The following PIBF1 variants were observed in gnomAD, a reference collection of about 807,000 sequenced individuals.
PIBF1 encodes progesterone immunomodulatory binding factor 1, also known as progesterone-induced-blocking factor 1.
In PIBF1, 90 loss-of-function variants were observed where a neutral mutation model predicts 112.5. The observed-to-expected ratio is 0.80, with a 90% CI of 0.67 to 0.95. The LOEUF is 0.95. PIBF1 is among the 40% of genes least tolerant of loss of function. PIBF1 has a pLI of 0.00. For synonymous variants in PIBF1, 301 were observed against 288.6 expected, an observed-to-expected ratio of 1.04 and a Z score of -0.44; for missense variants, 915 against 852.3, an observed-to-expected ratio of 1.07 and a Z score of -0.92.
At chr13:72,911,546 C>T (rs907655934) in intron 12 of PIBF1, among the ~76,000 whole-genome samples, 11 of 151,756 alleles carry the variant, frequency 7.2e-5, no homozygotes, top group African/African-American at 9.7e-5. Context: ...ATCTTTACAA[C>T]GTGGAGTACA....
chr13:72,913,334 A>G (rs117823196), intron 12 of PIBF1, among the ~76,000 whole-genome samples: 4,366 of 152,306 alleles, frequency 0.029, 107 homozygotes, highest in Non-Finnish European at 0.043. Context: ...CTGTAAATAC[A>G]TATTGAATTA....
intron 5 of PIBF1, among the ~76,000 whole-genome samples, chr13:72,814,168 T>G (rs1399284680): frequency 6.6e-6 from 1 of 152,212 alleles, no homozygotes; most frequent in African/African-American, 2.4e-5. Context: ...CCGGGTGCAG[T>G]GGCTCACGCC....
intron 10 of PIBF1, among the ~76,000 whole-genome samples, chr13:72,875,510 A>G (rs1296600940): frequency 6.6e-6 from 1 of 152,092 alleles, no homozygotes; most frequent in Non-Finnish European, 1.5e-5. Flanking sequence ...AGAAGAAACC[A>G]CCAAACTGTT....
chr13:72,967,988 A>G (rs903199726), intron 15 of PIBF1, among the ~76,000 whole-genome samples: 1 of 152,000 alleles, frequency 6.6e-6, no homozygotes, highest in East Asian at 2.0e-4. Flanking sequence ...GATCGAGACC[A>G]TCCTGGCTAA....
intron 9 of PIBF1, among the ~76,000 whole-genome samples, chr13:72,845,841 G>A (rs545843348): frequency 6.6e-6 from 1 of 151,860 alleles, no homozygotes; most frequent in African/African-American, 2.4e-5. Context: ...CAAGCCTTTG[G>A]CACCCCCATA....
intron 9 of PIBF1, among the ~76,000 whole-genome samples, chr13:72,844,791 A>ACACACACACACACACACG (rs1566348767): frequency 3.1e-5 from 4 of 131,128 alleles, no homozygotes; most frequent in African/African-American, 8.7e-5. Context: ...ACACACACAC[A>ACACACACACACACACACG]CACACACACG....
chr13:72,826,241 T>A (rs2138150956), intron 6 of PIBF1, among the ~76,000 whole-genome samples: 1 of 152,264 alleles, frequency 6.6e-6, no homozygotes, highest in African/African-American at 2.4e-5. Flanking sequence ...GATTGTTATT[T>A]TGTGCTTTGC....
intron 16 of PIBF1, among the ~76,000 whole-genome samples, chr13:72,987,674 T>A (rs1330133080): frequency 6.9e-6 from 1 of 145,472 alleles, no homozygotes; most frequent in Non-Finnish European, 1.5e-5. Flanking sequence ...TTTTTTTATT[T>A]TCCTTTGTTG....
chr13:72,852,346 G>A (rs576706787), intron 9 of PIBF1, among the ~76,000 whole-genome samples: 7 of 152,278 alleles, frequency 4.6e-5, no homozygotes, highest in African/African-American at 7.2e-5. Context: ...CTGTCCAGTC[G>A]CAGCCTCACA....
intron 5 of PIBF1, among the ~76,000 whole-genome samples, chr13:72,805,188 G>A (rs1388193739): frequency 6.6e-6 from 1 of 152,154 alleles, no homozygotes; most frequent in African/African-American, 2.4e-5. Context: ...TGTCGCCCAG[G>A]CTGGCATGCA....
At chr13:72,901,778 G>T (rs890215321) in intron 11 of PIBF1, among the ~76,000 whole-genome samples, 3 of 151,928 alleles carry the variant, frequency 2.0e-5, no homozygotes, top group African/African-American at 7.3e-5. Flanking sequence ...ATCTAGTACA[G>T]CTGCTATGGA....
rs71099771 is a variant in PIBF1, at chr13:72,949,300, C to CTTTTTTTTT, written c.1834-15949_1834-15941dup. Among the ~76,000 whole-genome samples the CTTTTTTTTT allele has an allele frequency of 2.0e-3, 111 of 54,982 alleles. 19 individuals carry two copies. The highest frequency in any genetic ancestry group is 2.6e-3 in the Non-Finnish European group (82 of 31,600). 36.1% of individuals were successfully genotyped at this position (54,982 alleles called of 152,430 possible). On this transcript the variant is annotated intron_variant, in intron 14 of 17. Transcript: ENST00000326291. ...AACTACTACCTAGACAAATAGCTGT[C>CTTTTTTTTT]TTTTTTTTTTTTTTTTTTTTTTTTT...
In PIBF1 at chr13:72,836,009, G is replaced by A. The variant is rs2037343174; in HGVS notation, c.1223+641G>A. 1.3e-5 allele frequency: 5 copies of A among 370,914 alleles called. No individual in the cohort carries two copies. The Admixed American group carries it at 1.6e-4, about 12-fold the overall frequency. The allele number at this position is 370,914 out of a possible 1,614,324, so 23.0% of individuals were successfully genotyped here. Reference sequence around the variant, plus strand: ...AGCTACTCGGGAGGCTGAGGCAGGAGAATGGCATGAACCGGGGACACAGAG... The same window carrying A: ...AGCTACTCGGGAGGCTGAGGCAGGAAAATGGCATGAACCGGGGACACAGAG... On this transcript the variant is annotated intron_variant, in intron 9 of 17. Transcript: ENST00000326291.
At chr13:72,783,823 AT>A in intron 2 of PIBF1, 102 bp downstream of exon 2, 2 of 1,094,568 alleles carry the variant, frequency 1.8e-6, no homozygotes, top group South Asian at 3.0e-5. Context: ...GAAATGATAC[AT>A]TTATATTTCT....
chr13:72,856,071 T>C (rs1043994242), intron 10 of PIBF1, among the ~76,000 whole-genome samples: 2 of 152,190 alleles, frequency 1.3e-5, no homozygotes, highest in African/African-American at 4.8e-5. Flanking sequence ...ACCTAAATCC[T>C]TCTTATCCTA....
chr13:73,011,647 C>A (rs1027108245), intron 17 of PIBF1, among the ~76,000 whole-genome samples: 1 of 152,022 alleles, frequency 6.6e-6, no homozygotes, highest in Non-Finnish European at 1.5e-5. Context: ...AGTTCATATT[C>A]CAGAGGCACA....
At chr13:72,826,790 C>T (rs1282676064) in intron 6 of PIBF1, among the ~76,000 whole-genome samples, 1 of 152,016 alleles carries the variant, frequency 6.6e-6, no homozygotes, top group Non-Finnish European at 1.5e-5. Context: ...TTTGTATATT[C>T]CTTAAAGGTA....
chr13:73,005,046 G>A (rs960108158), intron 17 of PIBF1, among the ~76,000 whole-genome samples: 21 of 152,186 alleles, frequency 1.4e-4, no homozygotes, highest in East Asian at 1.4e-3. Context: ...TTAGCCAAGC[G>A]TGGTGGTGCA....
chr13:72,858,858 T>C (rs2138354351), intron 10 of PIBF1, among the ~76,000 whole-genome samples: 1 of 152,320 alleles, frequency 6.6e-6, no homozygotes, highest in South Asian at 2.1e-4. Context: ...AGTCAACAAA[T>C]ACCATCTTGT....
Sources: allele counts gnomAD v4.1 joint callset (sites outside exome capture counted in the v4.1 genomes callset), GRCh38; gene constraint gnomAD v4.1.1; transcripts MANE v1.5; gene names NCBI Gene and HGNC (gene_info 2026-07-23, HGNC 2026-07-21).